Variants in NDUFAF6 observed in about 807,000 individuals in gnomAD.
NDUFAF6 encodes NADH:ubiquinone oxidoreductase complex assembly factor 6.
In NDUFAF6, 45 loss-of-function variants were observed where a neutral mutation model predicts 40.8. The observed-to-expected ratio is 1.10, with a 90% confidence interval of 0.87 to 1.42. NDUFAF6 has a LOEUF of 1.42. Among genes scored for constraint, NDUFAF6 ranks in the 40% most tolerant of loss-of-function variants. NDUFAF6 has a pLI of 0.00. For missense variants in NDUFAF6, 435 were observed against 418.5 expected, an observed-to-expected ratio of 1.04 and a Z score of -0.34; for synonymous variants, 185 against 155.9, an observed-to-expected ratio of 1.19 and a Z score of -1.39.
intron 2 of NDUFAF6, among the ~76,000 whole-genome samples, chr8:94,997,694 A>G (rs1339012205): frequency 2.0e-5 from 3 of 152,170 alleles, no homozygotes; most frequent in Non-Finnish European, 4.4e-5. Context: ...GCATTTATTT[A>G]CTGTTGCCAT....
At chr8:94,936,344 G>A (rs1431643441) in intron 1 of NDUFAF6, among the ~76,000 whole-genome samples, 2 of 152,124 alleles carry the variant, frequency 1.3e-5, no homozygotes, top group Non-Finnish European at 2.9e-5. Context: ...CCACAAGCAG[G>A]GAGCCTCTCC....
intron 9 of NDUFAF6, among the ~76,000 whole-genome samples, chr8:95,064,490 C>T (rs1438551518): frequency 6.6e-6 from 1 of 152,098 alleles, no homozygotes; most frequent in Non-Finnish European, 1.5e-5. Context: ...TTAAAAGTCA[C>T]CCATAATTTC....
chr8:94,971,210 A>C (rs1203896735), intron 1 of NDUFAF6, among the ~76,000 whole-genome samples: 1 of 152,252 alleles, frequency 6.6e-6, no homozygotes, highest in African/African-American at 2.4e-5. Context: ...GATGCTGCCC[A>C]GAGGCAATAG....
upstream of NDUFAF6, among the ~76,000 whole-genome samples, chr8:94,954,177 C>T (rs1297440964): frequency 1.3e-5 from 2 of 152,236 alleles, no homozygotes; most frequent in Non-Finnish European, 2.9e-5. Flanking sequence ...ATTCTCCTGC[C>T]TCAGCCTCCC....
intron 1 of NDUFAF6, among the ~76,000 whole-genome samples, chr8:94,960,746 G>C (rs13278601): frequency 0.52 from 78,364 of 152,046 alleles, 20,492 homozygotes; most frequent in East Asian, 0.72. Flanking sequence ...GCAGCAACCA[G>C]TGGAGCTGCT....
chr8:94,997,335 CACACACACAGAGAGAG>C (rs1479883895), intron 2 of NDUFAF6, among the ~76,000 whole-genome samples: 2 of 137,404 alleles, frequency 1.5e-5, no homozygotes, highest in Non-Finnish European at 3.1e-5. Context: ...CACACACACA[CACACACACAGAGAGAG>C]AGAGAGAGAG....
chr8:94,923,576 CT>C (rs555515752), intron 1 of NDUFAF6, among the ~76,000 whole-genome samples: 2 of 152,086 alleles, frequency 1.3e-5, no homozygotes, highest in South Asian at 4.1e-4. Flanking sequence ...TCATTTCTGG[CT>C]TTTTCTTCCT....
At chr8:95,064,484 A>C (rs564024298) in intron 9 of NDUFAF6, among the ~76,000 whole-genome samples, 10 of 152,254 alleles carry the variant, frequency 6.6e-5, no homozygotes, top group African/African-American at 1.9e-4. Context: ...AATATTTTAA[A>C]AGTCACCCAT....
chr8:95,037,638 C>T (rs1829655916), intron 3 of NDUFAF6, among the ~76,000 whole-genome samples: 2 of 152,176 alleles, frequency 1.3e-5, no homozygotes, highest in African/African-American at 4.8e-5. Context: ...GCAAAGTGGG[C>T]TCTGTTCTCC....
At chr8:95,018,933 T>C (rs920734459) in intron 2 of NDUFAF6, among the ~76,000 whole-genome samples, 1 of 152,218 alleles carries the variant, frequency 6.6e-6, no homozygotes, top group South Asian at 2.1e-4. Flanking sequence ...TTCTGGTACA[T>C]AGCTGTAACT....
At chr8:95,117,268 C>G (rs948030638), downstream of NDUFAF6, among the ~76,000 whole-genome samples, 1 of 152,194 alleles carries the variant, frequency 6.6e-6, no homozygotes, top group African/African-American at 2.4e-5. Context: ...AATACCAACA[C>G]TCTCTATTGA....
chr8:94,983,775 CAG>C (rs1243993670), intron 2 of NDUFAF6, among the ~76,000 whole-genome samples: 2 of 152,098 alleles, frequency 1.3e-5, no homozygotes, highest in African/African-American at 4.8e-5. Context: ...GGTGTGCATC[CAG>C]AGAGTGTCCA....
chr8:95,106,990 A>G (rs4735347), downstream of NDUFAF6, among the ~76,000 whole-genome samples: 127,955 of 152,190 alleles, frequency 0.84, 54,290 homozygotes, highest in East Asian at 1. Context: ...AACAACAGAT[A>G]CTGGAGAGGA....
At chr8:95,002,319 C>A (rs76250269) in intron 2 of NDUFAF6, among the ~76,000 whole-genome samples, 1 of 152,192 alleles carries the variant, frequency 6.6e-6, no homozygotes, top group Non-Finnish European at 1.5e-5. Flanking sequence ...CAAGTCACAA[C>A]ATTATTTGTT....
At chr8:94,918,675 G>T (rs1819296750) in intron 1 of NDUFAF6, among the ~76,000 whole-genome samples, 1 of 152,112 alleles carries the variant, frequency 6.6e-6, no homozygotes, top group Non-Finnish European at 1.5e-5. Context: ...GTATCCCCAG[G>T]TTCACCCAAA....
intron 1 of NDUFAF6, among the ~76,000 whole-genome samples, chr8:94,964,402 C>G (rs559848559): frequency 7.6e-5 from 11 of 144,364 alleles, no homozygotes; most frequent in Admixed American, 7.2e-4. Context: ...GCACTCCAGC[C>G]TGGGCAACAG....
chr8:94,948,977 C>T (rs1822285735), intron 2 of NDUFAF6, among the ~76,000 whole-genome samples: 1 of 150,286 alleles, frequency 6.7e-6, no homozygotes, highest in African/African-American at 2.4e-5. Flanking sequence ...GGGTGGGCGG[C>T]CGGGCCCGGC....
At chr8:94,940,256 G>C (rs772641163) in intron 1 of NDUFAF6, 1 of 1,558,214 alleles carries the variant, frequency 6.4e-7, no homozygotes, top group South Asian at 1.2e-5. Flanking sequence ...CACATGTGTT[G>C]TTGAAGAGTC....
chr8:94,998,789 C>T (rs758960957), intron 2 of NDUFAF6, among the ~76,000 whole-genome samples: 3 of 152,148 alleles, frequency 2.0e-5, no homozygotes, highest in Non-Finnish European at 2.9e-5. Flanking sequence ...AAGGGTAAAC[C>T]AAGGACTTGC....
Sources: gnomAD v4.1 joint callset for allele counts (sites outside exome capture counted in the v4.1 genomes callset) on GRCh38, gnomAD v4.1.1 for gene constraint, MANE v1.5 for transcripts, NCBI Gene and HGNC (gene_info 2026-07-23, HGNC 2026-07-21) for gene names.